FBXL7: variants seen among roughly 807,000 people sequenced by gnomAD.
The protein encoded by FBXL7 is F-box and leucine rich repeat protein 7, also known as F-box/LRR-repeat protein 7.
A neutral mutation model predicts 38.3 loss-of-function variants in FBXL7; 12 were observed. The ratio of observed to expected loss-of-function variants is 0.31; its 90% confidence interval spans 0.20 to 0.51. The LOEUF is 0.51. Among genes scored for constraint, FBXL7 ranks in the 20% least tolerant of loss-of-function variants. The pLI, the probability that FBXL7 is intolerant of heterozygous loss-of-function variation, is 0.98. For synonymous variants in FBXL7, 297 were observed against 300.9 expected (o/e 0.99, Z 0.13); for missense variants, 567 against 676.4 (o/e 0.84, Z 1.79).
intron 2 of FBXL7, among the ~76,000 whole-genome samples, chr5:15,793,204 A>G (rs1269625193): frequency 1.3e-5 from 2 of 152,188 alleles, no homozygotes; most frequent in Non-Finnish European, 2.9e-5. Context: ...GGGCCGCTGT[A>G]CCAAATACTG....
intron 2 of FBXL7, among the ~76,000 whole-genome samples, chr5:15,859,916 G>GT (rs901410455): frequency 6.6e-6 from 1 of 152,178 alleles, no homozygotes; most frequent in Non-Finnish European, 1.5e-5. Flanking sequence ...GAATGGTAGA[G>GT]TTAACATCAA....
chr5:15,860,480 C>A (rs965742306), intron 2 of FBXL7, among the ~76,000 whole-genome samples: 1 of 152,128 alleles, frequency 6.6e-6, no homozygotes, highest in Admixed American at 6.6e-5. Flanking sequence ...CCTTGCACAT[C>A]GTATTGAAAA....
chr5:15,835,632 C>G (rs1738573978), intron 2 of FBXL7, among the ~76,000 whole-genome samples: 1 of 152,080 alleles, frequency 6.6e-6, no homozygotes, highest in Non-Finnish European at 1.5e-5. Flanking sequence ...AAGTGACTTT[C>G]TGAGAGTCAC....
At chr5:15,641,667 C>A (rs1431379468) in intron 2 of FBXL7, among the ~76,000 whole-genome samples, 3 of 152,176 alleles carry the variant, frequency 2.0e-5, no homozygotes, top group African/African-American at 7.2e-5. Context: ...ATTGTCTCTC[C>A]CAGTGTGGGC....
At chr5:15,664,305 T>C (rs995422030) in intron 2 of FBXL7, among the ~76,000 whole-genome samples, 1 of 152,162 alleles carries the variant, frequency 6.6e-6, no homozygotes, top group African/African-American at 2.4e-5. Context: ...ATTTCACATA[T>C]ATTGTAAACT....
intron 2 of FBXL7, among the ~76,000 whole-genome samples, chr5:15,826,512 G>A (rs554914729): frequency 2.0e-4 from 30 of 152,046 alleles, no homozygotes; most frequent in Non-Finnish European, 3.2e-4. Context: ...TCCACCTCCC[G>A]GGTTCTAGTG....
chr5:15,796,038 C>A (rs1022495037), intron 2 of FBXL7, among the ~76,000 whole-genome samples: 2 of 152,200 alleles, frequency 1.3e-5, no homozygotes, highest in African/African-American at 4.8e-5. Flanking sequence ...TGATTGCCTG[C>A]AGAGTAAATT....
rs190257643 is a variant in FBXL7 at position 15,717,588 on chromosome 5, T to G, written c.127+101516T>G. On this transcript the variant is annotated intron_variant, in intron 2 of 3. Transcript: ENST00000504595. ...AGAAACTGCACAAAAAGTTCTTGAT[T>G]GCCCCCTTGCATATTATAATGTTTG... is the stretch of plus-strand genomic sequence containing the variant. Among the ~76,000 whole-genome samples the G allele has an allele frequency of 1.4e-3, 214 of 152,324 alleles. 2 individuals carry two copies. The highest frequency in any genetic ancestry group is 0.014 in the Admixed American group (208 of 15,294).
rs1159519757 is a variant in FBXL7 at position 15,703,569 on chromosome 5, T to C, written c.127+87497T>C. Among the ~76,000 whole-genome samples, 3 of 152,182 alleles carry C rather than the reference T, an allele frequency of 2.0e-5. No individual in the cohort carries two copies. The East Asian group carries it at 5.8e-4, about 29-fold the overall frequency. On this transcript the variant is annotated intron_variant, in intron 2 of 3. Coordinates refer to ENST00000504595, the MANE Select transcript of FBXL7 (RefSeq NM_012304.5). ...AACTTGGATCTGAAAATAAAATTAA[T>C]TTAGCAAAGCACTGATCTAGGTGAA... is the stretch of plus-strand genomic sequence containing the variant.
At chr5:15,873,181 T>C (rs115837440) in intron 2 of FBXL7, among the ~76,000 whole-genome samples, 1,790 of 148,268 alleles carry the variant, frequency 0.012, 35 homozygotes, top group African/African-American at 0.041. Context: ...CTGAATGACT[T>C]AAGGCAAAAA....
chr5:15,712,337 A>G (rs976693557), intron 2 of FBXL7, among the ~76,000 whole-genome samples: 2 of 131,356 alleles, frequency 1.5e-5, no homozygotes, highest in Non-Finnish European at 3.2e-5. Flanking sequence ...AATGATGCTG[A>G]CAATTTAAAA....
At chr5:15,643,762 T>TC (rs1485893780) in intron 2 of FBXL7, among the ~76,000 whole-genome samples, 2 of 152,186 alleles carry the variant, frequency 1.3e-5, no homozygotes, top group Non-Finnish European at 2.9e-5. Context: ...TAATGGAAAG[T>TC]GCTTTGGGAA....
At chr5:15,593,273 C>T (rs1739532739) in intron 1 of FBXL7, among the ~76,000 whole-genome samples, 1 of 152,036 alleles carries the variant, frequency 6.6e-6, no homozygotes, top group Non-Finnish European at 1.5e-5. Flanking sequence ...CCTATAATCC[C>T]AACACTTTGG....
chr5:15,727,666 C>T (rs959253458), intron 2 of FBXL7, among the ~76,000 whole-genome samples: 2 of 152,068 alleles, frequency 1.3e-5, no homozygotes, highest in Non-Finnish European at 2.9e-5. Flanking sequence ...CTTTGTCTTT[C>T]TAAAGTTTGA....
intron 2 of FBXL7, among the ~76,000 whole-genome samples, chr5:15,856,031 C>T (rs986561714): frequency 2.0e-5 from 3 of 152,094 alleles, no homozygotes; most frequent in African/African-American, 4.8e-5. Flanking sequence ...AGTCCATTTT[C>T]ACACTGCTGA....
intron 1 of FBXL7, among the ~76,000 whole-genome samples, chr5:15,578,538 C>G (rs1181302870): frequency 6.6e-6 from 1 of 152,116 alleles, no homozygotes; most frequent in East Asian, 1.9e-4. Flanking sequence ...GATATGGCCT[C>G]AGGTGTGGTT....
chr5:15,689,097 G>A (rs545610674), intron 2 of FBXL7, among the ~76,000 whole-genome samples: 2 of 152,238 alleles, frequency 1.3e-5, no homozygotes, highest in South Asian at 2.1e-4. Context: ...GGCACCTAGC[G>A]GGAACTCCAA....
At chr5:15,733,968 T>C (rs6554901) in intron 2 of FBXL7, among the ~76,000 whole-genome samples, 70 of 151,994 alleles carry the variant, frequency 4.6e-4, no homozygotes, top group African/African-American at 1.6e-3. Context: ...TTACCTGGGC[T>C]TGGTGGCATG....
At chr5:15,740,573 C>A (rs567954729) in intron 2 of FBXL7, among the ~76,000 whole-genome samples, 3 of 152,276 alleles carry the variant, frequency 2.0e-5, no homozygotes, top group Non-Finnish European at 4.4e-5. Context: ...AAAAAAAACA[C>A]AGACTGTTGC....
Sources: gnomAD v4.1 joint callset for allele counts (sites outside exome capture counted in the v4.1 genomes callset) on GRCh38, gnomAD v4.1.1 for gene constraint, MANE v1.5 for transcripts, NCBI Gene and HGNC (gene_info 2026-07-23, HGNC 2026-07-21) for gene names.